Variants in PHLDB3 observed in about 807,000 individuals in gnomAD.
The protein encoded by PHLDB3 is pleckstrin homology-like domain family B member 3.
A neutral mutation model predicts 85.7 loss-of-function variants in PHLDB3; 86 were observed. That is an observed-to-expected ratio of 1.00 (90% CI 0.84 to 1.20). The LOEUF is 1.20. Ranked by LOEUF, PHLDB3 falls within the 50% of genes most tolerant of loss-of-function variation. PHLDB3 has a pLI of 0.00. For synonymous variants in PHLDB3, 376 were observed against 349.8 expected (o/e 1.07, Z -0.83); for missense variants, 995 against 873.0 (o/e 1.14, Z -1.76).
rs774514904 is a variant in PHLDB3, at chr19:43,487,033, G to T, written c.1240C>A (p.His414Asn). 4 of 1,568,434 alleles carry T rather than the reference G, an allele frequency of 2.6e-6. No individual in the cohort carries two copies. The highest frequency in any genetic ancestry group is 3.4e-6 in the Non-Finnish European group (4 of 1,159,900). ...QRGSPRPLSF[H>N]CTESLEASAL... ...ACAGGGGGATCCTCACCAGTACAAT[G>T]GAAGGACAGAGGTCGGGGGGATCCT... Residue 414 changes from histidine to asparagine, a missense_variant, in exon 10 of 16, where the codon CAT (histidine) becomes AAT (asparagine). By Grantham distance (68) the His-to-Asn change is moderately conservative. Coordinates refer to ENST00000292140, the MANE Select transcript of PHLDB3 (RefSeq NM_198850.4).
At chr19:43,475,664 A>T (rs1398862545) in intron 15 of PHLDB3, 120 bp from the exon 16 acceptor site, 1 of 1,278,264 alleles carries the variant, frequency 7.8e-7, no homozygotes, top group Non-Finnish European at 1.1e-6. Flanking sequence ...AAGTATCTGA[A>T]TGTCAGTTTC....
chr19:43,503,061 GTCT>G (rs1971655521), intron 2 of PHLDB3, among the ~76,000 whole-genome samples: 1 of 152,000 alleles, frequency 6.6e-6, no homozygotes, highest in Non-Finnish European at 1.5e-5. Context: ...CGAGGTTTTT[GTCT>G]ATTTGTTTCT....
Position 43,503,987 on chromosome 19 carries a change from A to AG in PHLDB3, c.131dup (p.Ser45PhefsTer7). The AG allele has an allele frequency of 6.2e-7, 1 of 1,613,852 alleles. No individual in the cohort carries two copies. On this transcript the variant is annotated frameshift_variant, in exon 2 of 16. Transcript: ENST00000292140. LOFTEE classifies it high-confidence loss of function. ...GCTGCTCAGCTCCCCCGCGGCTCGA[A>AG]GGTTCCGCCAGGACTTCGGATGCCT...
chr19:43,504,220 C>G, intron 1 of PHLDB3, 88 bp from the exon 2 acceptor site: 1 of 1,215,340 alleles, frequency 8.2e-7, no homozygotes, highest in Non-Finnish European at 1.1e-6. Context: ...GCGGAGACCC[C>G]CCCCCAAGGA....
rs755970553 is a variant in PHLDB3 at position 43,475,393 on chromosome 19, CA to C, written c.*16del. On this transcript the variant is annotated 3_prime_UTR_variant, in exon 16 of 16. Transcript: ENST00000292140. ...GCGGAGCCTCGAAGGGACTTCCCCC[CA>C]AGAGGGCGGGGCCACTCAGGGGGCG... is the stretch of plus-strand genomic sequence containing the variant. The C allele has an allele frequency of 3.7e-6, 6 of 1,612,558 alleles. No homozygotes were observed. The highest frequency in any genetic ancestry group is 5.1e-6 in the Non-Finnish European group (6 of 1,178,964).
rs372753592 is a variant in PHLDB3 at position 43,475,480 on chromosome 19, G to C, written c.1853C>G (p.Pro618Arg). The C allele has an allele frequency of 1.2e-6, 2 of 1,613,978 alleles. No homozygotes were observed. Among genetic ancestry groups the C allele is most frequent in the African/African-American group, 1.3e-5 (1 of 75,050 alleles). The change falls in exon 16 of 16, where the codon CCG (proline) becomes CGG (arginine). Residue 618 changes from proline to arginine, a missense_variant. Physicochemically the swap from Pro to Arg is moderately radical, Grantham distance 103. Coordinates refer to ENST00000292140, the MANE Select transcript of PHLDB3 (RefSeq NM_198850.4). The part of the protein sequence containing the change: ...TYERLFYMVA[P>R]SPEAMRIWMD... Reference sequence around the variant, plus strand: ...CCAAATGCGCATGGCTTCGGGGCTCGGAGCCACCATGTAGAAAAGGCGTTC... The same window carrying C: ...CCAAATGCGCATGGCTTCGGGGCTCCGAGCCACCATGTAGAAAAGGCGTTC...
chr19:43,477,566 C>T (rs1970953244), intron 15 of PHLDB3, among the ~76,000 whole-genome samples: 1 of 141,626 alleles, frequency 7.1e-6, no homozygotes, highest in Non-Finnish European at 1.5e-5. Flanking sequence ...CCTGTAATCC[C>T]AGAACTTTGA....
chr19:43,502,752 G>A (rs564576227), intron 2 of PHLDB3, among the ~76,000 whole-genome samples: 2 of 151,382 alleles, frequency 1.3e-5, no homozygotes, highest in East Asian at 2.0e-4. Context: ...CACCGCGCCC[G>A]GCCTCAGACC....
At chr19:43,491,949 T>TTTTTTTTG (rs1568479745) in intron 9 of PHLDB3, among the ~76,000 whole-genome samples, 1 of 133,606 alleles carries the variant, frequency 7.5e-6, no homozygotes, top group Non-Finnish European at 1.5e-5. Context: ...CTGGCCGTTT[T>TTTTTTTTG]TTTTTTTTTG....
intron 13 of PHLDB3, among the ~76,000 whole-genome samples, chr19:43,483,563 G>A (rs1016398565): frequency 1.3e-5 from 2 of 152,130 alleles, no homozygotes; most frequent in Admixed American, 6.6e-5. Flanking sequence ...ATAGGCGTGA[G>A]CTATGGTGCC....
chr19:43,492,507 G>A (rs1971343410), intron 9 of PHLDB3, among the ~76,000 whole-genome samples: 1 of 151,782 alleles, frequency 6.6e-6, no homozygotes, highest in South Asian at 2.1e-4. Flanking sequence ...GAGCCACCAA[G>A]CCCAGCCCAC....
chr19:43,503,537 G>A, intron 2 of PHLDB3, among the ~76,000 whole-genome samples: 1 of 151,886 alleles, frequency 6.6e-6, no homozygotes. Flanking sequence ...TCGAACTCCT[G>A]GGCTTAAGCA....
At chr19:43,494,253 G>A (rs1376289492) in intron 9 of PHLDB3, among the ~76,000 whole-genome samples, 2 of 151,990 alleles carry the variant, frequency 1.3e-5, no homozygotes, top group Non-Finnish European at 2.9e-5. Flanking sequence ...CAGGTCATCC[G>A]CTTGCCTTGG....
chr19:43,500,184 A>G (rs1333742518), intron 4 of PHLDB3, among the ~76,000 whole-genome samples: 1 of 152,062 alleles, frequency 6.6e-6, no homozygotes, highest in African/African-American at 2.4e-5. Context: ...GGTTACGGTG[A>G]GCCAAGATCA....
In PHLDB3 at chr19:43,475,492, T is replaced by C. The variant is rs765312259; in HGVS notation, c.1841A>G (p.Tyr614Cys). Residue 614 changes from tyrosine to cysteine, a missense_variant, in exon 16 of 16, where the codon TAC (tyrosine) becomes TGC (cysteine). Coordinates refer to ENST00000292140, the MANE Select transcript of PHLDB3 (RefSeq NM_198850.4). ...GGCTTCGGGGCTCGGAGCCACCATG[T>C]AGAAAAGGCGTTCGTAGGTTTTGAC... Reference protein sequence around the residue: ...FCVKTYERLFYMVAPSPEAMR... With the variant: ...FCVKTYERLFCMVAPSPEAMR... The C allele has an allele frequency of 3.1e-6, 5 of 1,613,962 alleles. No homozygotes were observed. Among genetic ancestry groups the C allele is most frequent in the Admixed American group, 1.7e-5 (1 of 60,008 alleles).
chr19:43,482,420 G>A (rs868429966), intron 13 of PHLDB3, among the ~76,000 whole-genome samples: 4 of 152,184 alleles, frequency 2.6e-5, no homozygotes, highest in Middle Eastern at 3.2e-3. Flanking sequence ...ACTTGCTCAC[G>A]TGCACAAAAG....
In PHLDB3 at chr19:43,484,735, G is replaced by A. The variant is rs145719726; in HGVS notation, c.1485+1531C>T. Among the ~76,000 whole-genome samples the A allele has an allele frequency of 3.8e-3, 581 of 152,110 alleles. 3 individuals are homozygous for A. The highest frequency in any genetic ancestry group is 0.013 in the African/African-American group (549 of 41,476). On this transcript the variant is annotated intron_variant, in intron 13 of 15. Transcript: ENST00000292140. ...CCCCCAAAAAACAAGCCTATCTATT[G>A]GAGATACACAGTGATGTTTGAGTGA...
In PHLDB3 at chr19:43,475,229, G is replaced by C. The variant is rs933591738; in HGVS notation, c.*181C>G. 32 of 814,434 alleles carry C rather than the reference G, an allele frequency of 3.9e-5. No individual in the cohort carries two copies. The highest frequency in any genetic ancestry group is 5.2e-5 in the Non-Finnish European group (28 of 540,932). The allele number at this position is 814,434 out of a possible 1,614,324, so 50.5% of individuals were successfully genotyped here. Reference sequence around the variant, plus strand: ...GGGCCGGCGATCCCGTCGGGGGCAAGGCACCTGCAACCCAGAACGCAGCAG... The same window carrying C: ...GGGCCGGCGATCCCGTCGGGGGCAACGCACCTGCAACCCAGAACGCAGCAG... On this transcript the variant is annotated 3_prime_UTR_variant, in exon 16 of 16. Transcript: ENST00000292140.
chr19:43,481,479 G>T (rs1481652320), intron 13 of PHLDB3, among the ~76,000 whole-genome samples: 1 of 152,104 alleles, frequency 6.6e-6, no homozygotes, highest in Admixed American at 6.6e-5. Flanking sequence ...TTAGCCAGGC[G>T]TGGTGGCGCA....
Sources: allele counts gnomAD v4.1 joint callset (sites outside exome capture counted in the v4.1 genomes callset), GRCh38; gene constraint gnomAD v4.1.1; transcripts MANE v1.5; gene names NCBI Gene and HGNC (gene_info 2026-07-23, HGNC 2026-07-21).